Variants in ARVCF observed in about 807,000 individuals in gnomAD.
The protein encoded by ARVCF is splicing regulator ARVCF.
Under a neutral mutation model 90.9 loss-of-function variants are expected in ARVCF, and 66 were observed. The ratio of observed to expected loss-of-function variants is 0.73; its 90% confidence interval spans 0.60 to 0.89. ARVCF has a LOEUF of 0.89. ARVCF is among the 40% of genes least tolerant of loss of function. The probability of loss-of-function intolerance (pLI) is 0.00; values close to 1 mark genes in which losing one functional copy is unlikely to be tolerated. For synonymous variants in ARVCF, 653 were observed against 603.4 expected (o/e 1.08, Z -1.21); for missense variants, 1,469 against 1,382.3 (o/e 1.06, Z -1.00).
downstream of ARVCF, chr22:19,967,405 T>C (rs1413547786): frequency 8.4e-6 from 4 of 476,290 alleles, no homozygotes; most frequent in African/African-American, 2.0e-5. Flanking sequence ...TTTTTTTTTT[T>C]TCTAAATGAA....
chr22:19,980,983 A>G lies in ARVCF; in HGVS notation c.896+228T>C. The G allele has an allele frequency of 5.5e-6, 3 of 543,664 alleles. No homozygotes were observed. In the East Asian group the frequency reaches 9.4e-5, roughly 17 times the overall value. 33.7% of individuals were successfully genotyped at this position (543,664 alleles called of 1,614,324 possible). On this transcript the variant is annotated intron_variant, in intron 5 of 19. Transcript: ENST00000263207. ...GGCTGGAGCAAGGCCAGTGGCCGGCACTCTTCCCAGCTTTCCTGGGCCCTG... is the reference window on the plus strand; with the variant it reads ...GGCTGGAGCAAGGCCAGTGGCCGGCGCTCTTCCCAGCTTTCCTGGGCCCTG...
chr22:20,011,615 G>A (rs2146504768), intron 1 of ARVCF, among the ~76,000 whole-genome samples: 1 of 152,268 alleles, frequency 6.6e-6, no homozygotes, highest in Non-Finnish European at 1.5e-5. Flanking sequence ...TGGGGACCAA[G>A]CCAGGCACAT....
At chr22:19,988,393 T>C (rs944239387) in intron 3 of ARVCF, among the ~76,000 whole-genome samples, 1 of 152,344 alleles carries the variant, frequency 6.6e-6, no homozygotes, top group African/African-American at 2.4e-5. Context: ...TTAAGCTGGC[T>C]CCATCTTCTC....
intron 2 of ARVCF, among the ~76,000 whole-genome samples, chr22:19,997,291 G>A (rs988765857): frequency 1.3e-5 from 2 of 152,232 alleles, no homozygotes; most frequent in Admixed American, 6.5e-5. Flanking sequence ...GGCAGGGCAG[G>A]CGAGTGTCCC....
chr22:19,972,249 T>C (rs1012218794), intron 17 of ARVCF, 109 bp downstream of exon 17: 21 of 1,471,042 alleles, frequency 1.4e-5, no homozygotes, highest in African/African-American at 1.4e-4. Flanking sequence ...CTAAACCAAA[T>C]ATCTCTCCTC....
chr22:20,008,928 G>C (rs192204552), intron 2 of ARVCF, among the ~76,000 whole-genome samples: 49 of 152,266 alleles, frequency 3.2e-4, no homozygotes, highest in South Asian at 2.7e-3. Flanking sequence ...GAACTGGAGG[G>C]GGGAGGGAAA....
In ARVCF at chr22:19,991,035, T is replaced by C. The variant is rs2073746; in HGVS notation, c.-18-223A>G. ...CCCCATGGGTTTTGGGACTCTAACC[T>C]GGCTCCTCTGCTTCCTGCTAGACCT... is the stretch of plus-strand genomic sequence containing the variant. On this transcript the variant is annotated intron_variant, in intron 2 of 19. Coordinates refer to ENST00000263207, the MANE Select transcript of ARVCF (RefSeq NM_001670.3). Among the ~76,000 whole-genome samples the C allele has an allele frequency of 0.8, 121,593 of 152,286 alleles. 49,224 individuals are homozygous for C. Among genetic ancestry groups the C allele is most frequent in the African/African-American group, 0.92 (38,382 of 41,586 alleles).
chr22:19,979,024 C>T lies in ARVCF; in HGVS notation c.1453G>A (p.Gly485Ser), dbSNP rs1270283444. The change falls in exon 7 of 20, where the codon GGC becomes AGC. Residue 485 changes from glycine (G) to serine (S), a missense_variant. Physicochemically the swap from Gly to Ser is moderately conservative, Grantham distance 56. Coordinates refer to ENST00000263207, the MANE Select transcript of ARVCF (RefSeq NM_001670.3). ...EPLKMVIIDH[G>S]LQTLTHEVIV... ...ACCTCGTGGGTCAGCGTCTGCAGGC[C>T]ATGGTCAATGATGACCATCTTCAGG... The T allele has an allele frequency of 5.0e-6, 8 of 1,613,400 alleles. No homozygotes were observed. The South Asian group carries it at 7.7e-5, about 16-fold the overall frequency.
rs1943105960 is a variant in ARVCF at position 19,975,566 on chromosome 22, G to A, written c.1960+120C>T. 4.5e-6 allele frequency: 5 copies of A among 1,109,716 alleles called. No homozygotes were observed. In the Admixed American group the frequency reaches 1.1e-4, roughly 24 times the overall value. The allele number at this position is 1,109,716 out of a possible 1,614,324, so 68.7% of individuals were successfully genotyped here. A position where few individuals can be genotyped will look rare whatever the true frequency, so the allele number is the denominator to read the frequency against. On this transcript the variant is annotated intron_variant, in intron 11 of 19. Coordinates refer to ENST00000263207, the MANE Select transcript of ARVCF (RefSeq NM_001670.3). Reference sequence around the variant, plus strand: ...CAGGAAATCCTGCACCTAGGGGCCTGTTTCCCCATCTGTTCCCTGAGGCCC... The same window carrying A: ...CAGGAAATCCTGCACCTAGGGGCCTATTTCCCCATCTGTTCCCTGAGGCCC...
intron 2 of ARVCF, among the ~76,000 whole-genome samples, chr22:20,007,388 C>T (rs1288288570): frequency 6.6e-6 from 1 of 152,186 alleles, no homozygotes; most frequent in Non-Finnish European, 1.5e-5. Flanking sequence ...GGTGACAGAG[C>T]GAGACTCCGT....
chr22:19,980,381 G>A, intron 5 of ARVCF, 139 bp from the exon 6 acceptor site: 2 of 1,273,372 alleles, frequency 1.6e-6, no homozygotes, highest in Middle Eastern at 2.8e-4. Context: ...TTGGCCCGGA[G>A]CATGGTGGGG....
chr22:19,997,826 G>A (rs35845824), intron 2 of ARVCF, among the ~76,000 whole-genome samples: 20,080 of 152,284 alleles, frequency 0.13, 1,740 homozygotes, highest in Non-Finnish European at 0.19. Flanking sequence ...TAAGTGGGCC[G>A]GACATTGGTG....
At chr22:20,012,031 C>CT in intron 1 of ARVCF, among the ~76,000 whole-genome samples, 1 of 151,834 alleles carries the variant, frequency 6.6e-6, no homozygotes, top group Admixed American at 6.5e-5. Flanking sequence ...CAGACAAGGG[C>CT]TGGGCCAGGA....
intron 3 of ARVCF, chr22:19,986,925 T>G: frequency 1.9e-6 from 1 of 513,234 alleles, no homozygotes; most frequent in Non-Finnish European, 3.5e-6. Flanking sequence ...GGCCCCAGCC[T>G]GACGCAGCCC....
At chr22:19,984,018 C>G (rs1384178138) in intron 3 of ARVCF, among the ~76,000 whole-genome samples, 2 of 152,202 alleles carry the variant, frequency 1.3e-5, no homozygotes, top group Non-Finnish European at 2.9e-5. Context: ...TGAGCTCTCT[C>G]TGCTGGGCCC....
Position 19,972,366 on chromosome 22 carries a change from A to G in ARVCF, c.2687T>C (p.Leu896Pro). Residue 896 changes from leucine (L) to proline (P), a missense_variant, in exon 17 of 20, where the codon CTG (leucine) becomes CCG (proline). By Grantham distance (98) the Leu-to-Pro change is moderately conservative. Coordinates refer to ENST00000263207, the MANE Select transcript of ARVCF (RefSeq NM_001670.3). ...ACTGCATCTGCACTCACCTGGGCCCAGCGCATCCATGGGGATCACATCCCG... is the reference window on the plus strand; with the variant it reads ...ACTGCATCTGCACTCACCTGGGCCCGGCGCATCCATGGGGATCACATCCCG... ...GSRDVIPMDA[L>P]GPDGYSTVDR... is the part of the protein sequence containing the mutation. 6.2e-7 allele frequency: 1 copy of G among 1,613,726 alleles called. No homozygotes were observed. The highest frequency in any genetic ancestry group is 8.5e-7 in the Non-Finnish European group (1 of 1,179,996).
chr22:19,990,196 A>G (rs1401526461), intron 3 of ARVCF, among the ~76,000 whole-genome samples: 1 of 152,222 alleles, frequency 6.6e-6, no homozygotes, highest in Non-Finnish European at 1.5e-5. Flanking sequence ...CTGCAGGCAG[A>G]GCTCTGGGCC....
chr22:20,002,458 G>A (rs1944479622), intron 2 of ARVCF, among the ~76,000 whole-genome samples: 1 of 152,182 alleles, frequency 6.6e-6, no homozygotes, highest in South Asian at 2.1e-4. Context: ...AAAAAGAGCT[G>A]ACAGCTTTGT....
intron 8 of ARVCF, 45 bp from the exon 9 acceptor site, chr22:19,977,631 G>A: frequency 6.7e-7 from 1 of 1,485,840 alleles, no homozygotes; most frequent in Non-Finnish European, 8.9e-7. Flanking sequence ...CCTAGGCACA[G>A]GGCTGGCCCT....
Sources: gnomAD v4.1 joint callset for allele counts (sites outside exome capture counted in the v4.1 genomes callset) on GRCh38, gnomAD v4.1.1 for gene constraint, MANE v1.5 for transcripts, NCBI Gene and HGNC (gene_info 2026-07-23, HGNC 2026-07-21) for gene names.